MZF1: variants seen among roughly 807,000 people sequenced by gnomAD.
MZF1 encodes myeloid zinc finger 1.
In MZF1, 24 loss-of-function variants were observed where a neutral mutation model predicts 28.6. The observed-to-expected ratio is 0.84, with a 90% CI of 0.61 to 1.18. The LOEUF (loss-of-function observed/expected upper bound fraction) is 1.18, where lower values mean the gene tolerates loss of function less well. Ranked by LOEUF, MZF1 falls within the 50% of genes most tolerant of loss-of-function variation. The pLI is 0.00. For synonymous variants in MZF1, 516 were observed against 432.5 expected, an observed-to-expected ratio of 1.19 and a Z score of -2.40; for missense variants, 1,166 against 1,026.4, an observed-to-expected ratio of 1.14 and a Z score of -1.86.
chr19:58,571,305 CCTCA>C lies in MZF1; in HGVS notation c.81_84del (p.Glu28ArgfsTer90), dbSNP rs1359106586. On this transcript the variant is annotated frameshift_variant, in exon 2 of 6. Transcript: ENST00000215057. LOFTEE classifies it high-confidence loss of function. ...TCCCATAAGGCAGCCTCACCCTCCT[CCTCA>C]GAGTCCTCTAGCTTCACCATGACAG... 9 of 1,614,168 alleles carry C rather than the reference CCTCA, an allele frequency of 5.6e-6. No homozygotes were observed. Among genetic ancestry groups the C allele is most frequent in the Non-Finnish European group, 7.6e-6 (9 of 1,180,014 alleles).
chr19:58,572,624 C>T (rs2054187052), intron 1 of MZF1: 1 of 1,289,678 alleles, frequency 7.8e-7, no homozygotes, highest in Non-Finnish European at 1.0e-6. Context: ...GATGGCACCG[C>T]AGAATCATTC....
rs1209491117 is a variant in MZF1 at position 58,570,362 on chromosome 19, C to T, written c.562G>A (p.Glu188Lys). ...CCCTCACCTGAGTCCTCTGTAACCTCTGACTCCTCTTTCACCTGCAGGCCC... is the reference window on the plus strand; with the variant it reads ...CCCTCACCTGAGTCCTCTGTAACCTTTGACTCCTCTTTCACCTGCAGGCCC... ...PLGLQVKEESEVTEDSDFLES... is the reference protein window; with the variant it reads ...PLGLQVKEESKVTEDSDFLES... Residue 188 changes from glutamate (E) to lysine (K), a missense_variant, in exon 3 of 6, where the codon GAG (glutamate) becomes AAG (lysine). Glu to Lys is a moderately conservative substitution (Grantham distance 56). Coordinates refer to ENST00000215057, the MANE Select transcript of MZF1 (RefSeq NM_198055.2). The T allele has an allele frequency of 1.2e-6, 2 of 1,613,026 alleles. No individual in the cohort carries two copies. The highest frequency in any genetic ancestry group is 1.7e-5 in the Admixed American group (1 of 59,924).
At chr19:58,565,693 T>G (rs1259402505) in intron 5 of MZF1, among the ~76,000 whole-genome samples, 1 of 151,196 alleles carries the variant, frequency 6.6e-6, no homozygotes, top group Non-Finnish European at 1.5e-5. Context: ...CCACCACGCC[T>G]GACTAATATT....
chr19:58,571,043 G>A lies in MZF1; in HGVS notation c.347C>T (p.Ala116Val). ...GQRPGSPEEA[A>V]ALVDGLRREP... is the part of the protein sequence containing the mutation. Reference sequence around the variant, plus strand: ...CCGGCGCAGCCCATCTACTAGGGCAGCAGCCTCCTCGGGGCTGCCTGGCCG... The same window carrying A: ...CCGGCGCAGCCCATCTACTAGGGCAACAGCCTCCTCGGGGCTGCCTGGCCG... The change falls in exon 2 of 6, where the codon GCT becomes GTT. Residue 116 changes from alanine to valine, a missense_variant. Physicochemically the swap from Ala to Val is moderately conservative, Grantham distance 64 (BLOSUM62 0). Coordinates refer to ENST00000215057, the MANE Select transcript of MZF1 (RefSeq NM_198055.2). 1 of 1,612,924 alleles carries A rather than the reference G, an allele frequency of 6.2e-7. No homozygotes were observed. Among genetic ancestry groups the A allele is most frequent in the Non-Finnish European group, 8.5e-7 (1 of 1,179,668 alleles).
Position 58,562,368 on chromosome 19 carries a change from C to T in MZF1, c.1909G>A (p.Val637Ile), listed in dbSNP as rs1335157664. 2 of 1,602,442 alleles carry T rather than the reference C, an allele frequency of 1.2e-6. No homozygotes were observed. Among genetic ancestry groups the T allele is most frequent in the Non-Finnish European group, 8.5e-7 (1 of 1,176,464 alleles). Residue 637 changes from valine (V) to isoleucine (I), a missense_variant, in exon 6 of 6, where the codon GTC (valine) becomes ATC (isoleucine). Physicochemically the swap from Val to Ile is conservative, Grantham distance 29 (BLOSUM62 3). Coordinates refer to ENST00000215057, the MANE Select transcript of MZF1 (RefSeq NM_198055.2). The stretch of plus-strand genomic sequence containing the variant: ...CGCTGGTGCTCGGTGAGCCGCGAGA[C>T]CTGCGTGAAGCCCAGGCCGCACTCA... ...CGECGLGFTQ[V>I]SRLTEHQRIH... is the part of the protein sequence containing the mutation.
chr19:58,563,644 G>C (rs2053983264), intron 5 of MZF1, 140 bp from the exon 6 acceptor site: 6 of 656,934 alleles, frequency 9.1e-6, no homozygotes, highest in Non-Finnish European at 1.5e-5. Context: ...TGCAGGGGTA[G>C]GGATTCTATC....
Position 58,563,121 on chromosome 19 carries a change from AC to A in MZF1, c.1155del (p.Cys386AlafsTer171). The A allele has an allele frequency of 1.2e-6, 2 of 1,607,650 alleles. No individual in the cohort carries two copies. Among genetic ancestry groups the A allele is most frequent in the Non-Finnish European group, 1.7e-6 (2 of 1,179,596 alleles). ...CTGAAGCTGCGGCCGCACTCGCTGC[AC>A]ACGAATGGTCGCTCACCCGTGTGGA... Reference protein sequence around the residue: ...QKIHTGERPFVCSECGRSFSR... With the variant: ...QKIHTGERPFXCSECGRSFSR... On this transcript the variant is annotated frameshift_variant, in exon 6 of 6. Coordinates refer to ENST00000215057, the MANE Select transcript of MZF1 (RefSeq NM_198055.2). LOFTEE classifies it low-confidence loss of function (END_TRUNC).
At chr19:58,571,552 C>G in intron 1 of MZF1, 123 bp from the exon 2 acceptor site, 1 of 902,238 alleles carries the variant, frequency 1.1e-6, no homozygotes, top group South Asian at 1.8e-5. Flanking sequence ...AGGAAACAGG[C>G]AAAGAAAGGC....
At chr19:58,569,130 T>A (rs948106253) in intron 5 of MZF1, 147 bp downstream of exon 5, 32 of 1,127,896 alleles carry the variant, frequency 2.8e-5, no homozygotes, top group Non-Finnish European at 3.9e-5. Flanking sequence ...TAGAGGAGGT[T>A]GAACCTTATA....
intron 5 of MZF1, 29 bp from the exon 6 acceptor site, chr19:58,563,533 T>A: frequency 2.0e-6 from 3 of 1,483,234 alleles, no homozygotes; most frequent in Middle Eastern, 1.8e-4. Flanking sequence ...CATTCATTCA[T>A]GACAGAATGC....
intron 5 of MZF1, chr19:58,568,379 A>G (rs1360094388): frequency 1.3e-5 from 2 of 152,354 alleles, no homozygotes; most frequent in Middle Eastern, 3.4e-3. Context: ...AGAACATTAA[A>G]GGACCCATCC....
At chr19:58,570,221 G>A in intron 3 of MZF1, 123 bp downstream of exon 3, 2 of 1,069,622 alleles carry the variant, frequency 1.9e-6, no homozygotes, top group African/African-American at 1.6e-5. Context: ...GGGGGCTGCT[G>A]GCAGATGGAA....
chr19:58,572,293 C>T (rs538560560), intron 1 of MZF1, among the ~76,000 whole-genome samples: 3 of 152,214 alleles, frequency 2.0e-5, no homozygotes, highest in East Asian at 1.9e-4. Context: ...TGGCTCAGCT[C>T]CCAGGCAGCA....
At position 58,562,130 on chromosome 19, in the gene MZF1, C is replaced by T; in HGVS notation, c.2147G>A (p.Arg716His). 6.3e-7 allele frequency: 1 copy of T among 1,595,050 alleles called. No homozygotes were observed. Reference protein sequence around the residue: ...EKPFACQDCGRRFHQSTKLIQ... With the variant: ...EKPFACQDCGHRFHQSTKLIQ... ...GAGCTTGGTGCTCTGGTGGAAGCGG[C>T]GGCCACAGTCCTGGCAGGCGAAGGG... Residue 716 changes from arginine to histidine, a missense_variant, in exon 6 of 6, where the codon CGC (arginine) becomes CAC (histidine). By Grantham distance (29) the Arg-to-His change is conservative. Coordinates refer to ENST00000215057, the MANE Select transcript of MZF1 (RefSeq NM_198055.2).
chr19:58,570,860 A>AG (rs576449626), intron 2 of MZF1, 134 bp downstream of exon 2: 10,052 of 986,794 alleles, frequency 0.01, 73 homozygotes, highest in Non-Finnish European at 0.012. Flanking sequence ...AGCCTTGCAC[A>AG]GGGTCTCTGT....
chr19:58,569,476 C>A (rs780711774), intron 4 of MZF1, 40 bp downstream of exon 4: 2 of 1,613,280 alleles, frequency 1.2e-6, no homozygotes, highest in Non-Finnish European at 1.7e-6. Flanking sequence ...CCAGCAACTT[C>A]CAGGGAAAGG....
Position 58,570,505 on chromosome 19 carries a change from T to C in MZF1, c.419A>G (p.Gln140Arg), listed in dbSNP as rs749309940. ...RRWVTVQVQGQEVLSEKMEPS... is the reference protein window; with the variant it reads ...RRWVTVQVQGREVLSEKMEPS... ...CTCCATCTTCTCTGATAGGACCTCC[T>C]GGCCCTGCACCTGGACTGTGACCTG... Residue 140 changes from glutamine (Q) to arginine (R), a missense_variant, in exon 3 of 6, where the codon CAG becomes CGG. Transcript: ENST00000215057. 2.7e-5 allele frequency: 43 copies of C among 1,613,344 alleles called. No homozygotes were observed. Among genetic ancestry groups the C allele is most frequent in the Non-Finnish European group, 3.5e-5 (41 of 1,179,626 alleles).
intron 5 of MZF1, chr19:58,568,403 C>T (rs1342558576): frequency 6.6e-6 from 1 of 151,912 alleles, no homozygotes; most frequent in Non-Finnish European, 1.5e-5. Context: ...ATGCCAATAG[C>T]CAAGTAAGAG....
At position 58,562,473 on chromosome 19, in the gene MZF1, A is replaced by C; in HGVS notation, c.1804T>G (p.Cys602Gly). 1 of 1,610,344 alleles carries C rather than the reference A, an allele frequency of 6.2e-7. No homozygotes were observed. Among genetic ancestry groups the C allele is most frequent in the East Asian group, 2.2e-5 (1 of 44,724 alleles). The change falls in exon 6 of 6, where the codon TGT becomes GGT. Residue 602 changes from cysteine (C) to glycine (G), a missense_variant. Physicochemically the swap from Cys to Gly is radical, Grantham distance 159. Transcript: ENST00000215057. Reference sequence around the variant, plus strand: ...AGGCGCTGGCTGAAGCGCTGGCCACACTCGGGGCAGGCAAAGGGTTTCTCG... The same window carrying C: ...AGGCGCTGGCTGAAGCGCTGGCCACCCTCGGGGCAGGCAAAGGGTTTCTCG... ...TGEKPFACPE[C>G]GQRFSQRLKL...
Sources: allele counts gnomAD v4.1 joint callset (sites outside exome capture counted in the v4.1 genomes callset), GRCh38; gene constraint gnomAD v4.1.1; transcripts MANE v1.5; gene names NCBI Gene and HGNC (gene_info 2026-07-23, HGNC 2026-07-21).